The following SLC25A13 variants were observed in gnomAD, a reference collection of about 807,000 sequenced individuals.
The protein encoded by SLC25A13 is electrogenic aspartate/glutamate antiporter SLC25A13, mitochondrial.
A neutral mutation model predicts 85.5 loss-of-function variants in SLC25A13; 70 were observed. The observed-to-expected ratio is 0.82, with a 90% confidence interval of 0.68 to 1.00. SLC25A13 has a LOEUF of 1.00. SLC25A13 is among the 50% of genes least tolerant of loss of function. The probability of loss-of-function intolerance (pLI) is 0.00; values close to 1 mark genes in which losing one functional copy is unlikely to be tolerated. For missense variants in SLC25A13, 765 were observed against 819.8 expected (o/e 0.93, Z 0.82); for synonymous variants, 259 against 288.7 (o/e 0.90, Z 1.04).
At chr7:96,174,112 A>C (rs1417132337) in intron 11 of SLC25A13, among the ~76,000 whole-genome samples, 1 of 152,228 alleles carries the variant, frequency 6.6e-6, no homozygotes, top group African/African-American at 2.4e-5. Flanking sequence ...AGCCCATGAA[A>C]GGCACACAGG....
Position 96,121,278 on chromosome 7 carries a change from AAAT to A in SLC25A13, c.1938_1940del (p.Phe647del). On this transcript the variant is annotated inframe_deletion, in exon 18 of 18. Coordinates refer to ENST00000265631, the MANE Select transcript of SLC25A13 (RefSeq NM_014251.3). ...GTCCAAATTTGTTTTCAATCCCTGC[AAAT>A]GTAGCAACTGCCAGTTTGTAGCCCC... The A allele has an allele frequency of 6.2e-7, 1 of 1,614,184 alleles. No individual in the cohort carries two copies. Among genetic ancestry groups the A allele is most frequent in the Non-Finnish European group, 8.5e-7 (1 of 1,180,022 alleles).
At chr7:96,286,009 G>A (rs1311892468) in intron 2 of SLC25A13, among the ~76,000 whole-genome samples, 1 of 152,148 alleles carries the variant, frequency 6.6e-6, no homozygotes, top group East Asian at 1.9e-4. Context: ...CGTTGGCCAG[G>A]CACGGTGGCT....
At chr7:96,258,550 C>G (rs1797727086) in intron 3 of SLC25A13, among the ~76,000 whole-genome samples, 1 of 152,060 alleles carries the variant, frequency 6.6e-6, no homozygotes, top group South Asian at 2.1e-4. Context: ...AACCGCTGCT[C>G]AAGAAAATAA....
chr7:96,201,650 T>A (rs1472299357), intron 5 of SLC25A13, among the ~76,000 whole-genome samples: 1 of 152,156 alleles, frequency 6.6e-6, no homozygotes, highest in Non-Finnish European at 1.5e-5. Flanking sequence ...TGTCCACTCA[T>A]CTGTAAAGAA....
At chr7:96,231,060 G>A (rs1241374908) in intron 4 of SLC25A13, among the ~76,000 whole-genome samples, 2 of 152,018 alleles carry the variant, frequency 1.3e-5, no homozygotes, top group East Asian at 1.9e-4. Context: ...GCAGTGAGCC[G>A]AGATCATACC....
At chr7:96,295,369 G>T (rs1426403369) in intron 2 of SLC25A13, among the ~76,000 whole-genome samples, 1 of 152,028 alleles carries the variant, frequency 6.6e-6, no homozygotes, top group African/African-American at 2.4e-5. Flanking sequence ...GAAAAGAAAA[G>T]AAAATTTTTC....
intron 11 of SLC25A13, among the ~76,000 whole-genome samples, chr7:96,175,135 T>C (rs1288241109): frequency 6.6e-6 from 1 of 152,154 alleles, no homozygotes; most frequent in Non-Finnish European, 1.5e-5. Flanking sequence ...CCAGTTCTTC[T>C]GCCTGCAGGA....
chr7:96,258,065 T>C (rs1797708083), intron 3 of SLC25A13, among the ~76,000 whole-genome samples: 1 of 152,114 alleles, frequency 6.6e-6, no homozygotes, highest in Non-Finnish European at 1.5e-5. Context: ...ATGGAACGTA[T>C]CTCAAAAAGA....
At chr7:96,311,663 T>C (rs1427671748) in intron 1 of SLC25A13, among the ~76,000 whole-genome samples, 2 of 152,092 alleles carry the variant, frequency 1.3e-5, no homozygotes, top group African/African-American at 4.8e-5. Flanking sequence ...AGGACATGGG[T>C]TTTAGCATTC....
chr7:96,185,454 A>G (rs62467756), intron 9 of SLC25A13, among the ~76,000 whole-genome samples: 3,408 of 152,022 alleles, frequency 0.022, 55 homozygotes, highest in Middle Eastern at 0.058. Context: ...CAAAAATTAG[A>G]CCAGCATGGT....
At chr7:96,208,748 G>A (rs1428397447) in intron 5 of SLC25A13, 90 bp downstream of exon 5, 24 of 1,431,616 alleles carry the variant, frequency 1.7e-5, no homozygotes, top group South Asian at 8.1e-5. Flanking sequence ...CTCGTCATCC[G>A]CCCACCTCGG....
chr7:96,310,591 T>C (rs1340807551), intron 1 of SLC25A13, among the ~76,000 whole-genome samples: 1 of 152,234 alleles, frequency 6.6e-6, no homozygotes, highest in Non-Finnish European at 1.5e-5. Context: ...CAATGGGAAT[T>C]CCAACAGTCT....
At chr7:96,270,141 A>G (rs1182425306) in intron 3 of SLC25A13, among the ~76,000 whole-genome samples, 2 of 152,294 alleles carry the variant, frequency 1.3e-5, no homozygotes, top group African/African-American at 2.4e-5. Context: ...ACAAAAAGAA[A>G]TAAGTATATC....
chr7:96,314,629 A>G (rs1045747869), intron 1 of SLC25A13, among the ~76,000 whole-genome samples: 1 of 152,064 alleles, frequency 6.6e-6, no homozygotes, highest in Non-Finnish European at 1.5e-5. Flanking sequence ...GAGAGGAGGA[A>G]GCGCTCAGCA....
chr7:96,148,541 T>C (rs74926918), intron 13 of SLC25A13, among the ~76,000 whole-genome samples: 3,341 of 152,326 alleles, frequency 0.022, 137 homozygotes, highest in African/African-American at 0.076. Context: ...TCTGTGTTTC[T>C]GAACCAGAAC....
chr7:96,297,471 T>C (rs1022342849), intron 1 of SLC25A13, among the ~76,000 whole-genome samples: 127 of 152,148 alleles, frequency 8.3e-4, no homozygotes, highest in African/African-American at 2.9e-3. Context: ...GTAGCTGGGA[T>C]TGCAGGCGCG....
chr7:96,159,351 G>T (rs187005696), intron 13 of SLC25A13, among the ~76,000 whole-genome samples: 2 of 152,312 alleles, frequency 1.3e-5, no homozygotes, highest in East Asian at 3.9e-4. Context: ...TGGACTTACG[G>T]CCTTTTAAGA....
At chr7:96,263,039 A>AC (rs1195918938) in intron 3 of SLC25A13, among the ~76,000 whole-genome samples, 2 of 151,562 alleles carry the variant, frequency 1.3e-5, no homozygotes, top group South Asian at 2.1e-4. Flanking sequence ...AAAAAAAAAA[A>AC]AAAAAACAGC....
chr7:96,197,846 TTAAAAGA>T (rs1199540027), intron 5 of SLC25A13, among the ~76,000 whole-genome samples: 1 of 152,144 alleles, frequency 6.6e-6, no homozygotes, highest in Admixed American at 6.6e-5. Flanking sequence ...TATTTAAAAG[TTAAAAGA>T]CTATCAAGTA....
Sources: gnomAD v4.1 joint callset for allele counts (sites outside exome capture counted in the v4.1 genomes callset) on GRCh38, gnomAD v4.1.1 for gene constraint, MANE v1.5 for transcripts, NCBI Gene and HGNC (gene_info 2026-07-23, HGNC 2026-07-21) for gene names.